The following EPG5 variants were observed in gnomAD, a reference collection of about 807,000 sequenced individuals.
The protein encoded by EPG5 is ectopic P-granules 5 autophagy tethering factor, also known as ectopic P granules protein 5 homolog.
In EPG5, 159 loss-of-function variants were observed where a neutral mutation model predicts 302.7. The observed-to-expected ratio is 0.53, with a 90% CI of 0.46 to 0.60. EPG5 has a LOEUF of 0.60. Among genes scored for constraint, EPG5 ranks in the 20% least tolerant of loss-of-function variants. The probability of loss-of-function intolerance (pLI) is 0.00; values close to 1 mark genes in which losing one functional copy is unlikely to be tolerated. For missense variants in EPG5, 2,896 were observed against 3,092.4 expected (o/e 0.94, Z 1.51); for synonymous variants, 1,158 against 1,136.8 (o/e 1.02, Z -0.37).
At chr18:45,820,392 C>G in the EPG5 span, among the ~76,000 whole-genome samples, 2 of 152,184 alleles carry the variant, frequency 1.3e-5, no homozygotes, top group African/African-American at 4.8e-5. Context: ...CCTGATTTGA[C>G]CTCCCTGGCT....
At chr18:45,921,647 T>C (rs920489917) in intron 16 of EPG5, among the ~76,000 whole-genome samples, 1 of 152,184 alleles carries the variant, frequency 6.6e-6, no homozygotes, top group African/African-American at 2.4e-5. Flanking sequence ...TATGGGCTCA[T>C]ATCAGAGAGG....
rs952884648 is a variant in EPG5 at position 45,850,344 on chromosome 18, C to G, written c.*2123G>C. The G allele has an allele frequency of 6.6e-6, 1 of 152,280 alleles. No homozygotes were observed. Among genetic ancestry groups the G allele is most frequent in the African/African-American group, 2.4e-5 (1 of 41,452 alleles). 9.4% of individuals were successfully genotyped at this position (152,280 alleles called of 1,614,324 possible). A position where few individuals can be genotyped will look rare whatever the true frequency, so the allele number is the denominator to read the frequency against. On this transcript the variant is annotated 3_prime_UTR_variant, in exon 44 of 44. Coordinates refer to ENST00000282041, the MANE Select transcript of EPG5 (RefSeq NM_020964.3). The stretch of plus-strand genomic sequence containing the variant: ...TGCAAGCCAACAGGCGGGCTGGTCT[C>G]TCTGCCGCCCTTCTTTCCCAGGAGG...
the EPG5 span, chr18:45,837,553 G>T: frequency 6.6e-7 from 1 of 1,517,408 alleles, no homozygotes; most frequent in Non-Finnish European, 8.8e-7. Flanking sequence ...TGCCACCCGA[G>T]GTGAGCGCGG....
chr18:45,806,517 C>T, the EPG5 span, among the ~76,000 whole-genome samples: 3 of 152,038 alleles, frequency 2.0e-5, no homozygotes, highest in Admixed American at 2.0e-4. Flanking sequence ...CTGTGAGTGC[C>T]CAAACTGTAC....
intron 27 of EPG5, among the ~76,000 whole-genome samples, chr18:45,894,472 A>AATT (rs1423510232): frequency 1.3e-5 from 2 of 151,828 alleles, no homozygotes; most frequent in Non-Finnish European, 2.9e-5. Flanking sequence ...TAATAATAAT[A>AATT]ATAATATTAA....
At position 45,912,277 on chromosome 18, in the gene EPG5, C is replaced by G; in HGVS notation, c.3983+13G>C. 1 of 1,564,604 alleles carries G rather than the reference C, an allele frequency of 6.4e-7. No individual in the cohort carries two copies. Among genetic ancestry groups the G allele is most frequent in the Non-Finnish European group, 8.6e-7 (1 of 1,158,622 alleles). ...AATGGACTCACAGAAACCTACAATACTGGGCAGCATACCCATACTGTGGTC... is the reference window on the plus strand; with the variant it reads ...AATGGACTCACAGAAACCTACAATAGTGGGCAGCATACCCATACTGTGGTC... On this transcript the variant is annotated intron_variant, in intron 22 of 43. Transcript: ENST00000282041.
chr18:45,890,066 C>T (rs2049308012), intron 27 of EPG5, 126 bp from the exon 28 acceptor site: 1 of 640,688 alleles, frequency 1.6e-6, no homozygotes, highest in Non-Finnish European at 2.5e-6. Flanking sequence ...TATATGACTG[C>T]CTTATAAACT....
chr18:45,827,986 T>G, the EPG5 span, among the ~76,000 whole-genome samples: 2 of 152,208 alleles, frequency 1.3e-5, no homozygotes. Context: ...AAAGTCATTT[T>G]CTTTACAAAC....
chr18:45,817,678 A>T, the EPG5 span, among the ~76,000 whole-genome samples: 1 of 152,216 alleles, frequency 6.6e-6, no homozygotes, highest in Non-Finnish European at 1.5e-5. Context: ...GTTCTTTAGC[A>T]CATGGGCCTC....
At chr18:45,842,244 G>A in the EPG5 span, 99 of 1,585,314 alleles carry the variant, frequency 6.2e-5, no homozygotes, top group Admixed American at 1.5e-4. Flanking sequence ...AGGCCAGTGC[G>A]AGGCTTGGCT....
intron 39 of EPG5, among the ~76,000 whole-genome samples, chr18:45,862,909 A>G (rs2048666055): frequency 6.6e-6 from 1 of 152,174 alleles, no homozygotes; most frequent in Non-Finnish European, 1.5e-5. Flanking sequence ...AAGTATTTTA[A>G]ATTTCTATTA....
At chr18:45,864,452 A>G (rs1439405443) in intron 39 of EPG5, among the ~76,000 whole-genome samples, 1 of 152,162 alleles carries the variant, frequency 6.6e-6, no homozygotes, top group Non-Finnish European at 1.5e-5. Flanking sequence ...CTTCTTACTG[A>G]TATCTTCAAT....
chr18:45,887,808 C>A lies in EPG5; in HGVS notation c.5052G>T (p.Thr1684=). Residue 1684 remains threonine (T), a synonymous_variant, in exon 29 of 44, where the codon ACG becomes ACT. Transcript: ENST00000282041. ...ACTGCCTTGTTGGGGGATGACGCTG[C>A]GTCTCATCGCTGACGTAATCCACAA... ...FTIVDYVSDE[T]QRHPPTRQFF... is the part of the protein sequence containing the mutation. 1 of 1,603,078 alleles carries A rather than the reference C, an allele frequency of 6.2e-7. No individual in the cohort carries two copies. Among genetic ancestry groups the A allele is most frequent in the Non-Finnish European group, 8.5e-7 (1 of 1,171,686 alleles).
chr18:45,960,334 G>T (rs962319652), intron 1 of EPG5, among the ~76,000 whole-genome samples: 1 of 152,120 alleles, frequency 6.6e-6, no homozygotes, highest in Non-Finnish European at 1.5e-5. Context: ...CTATTTGCAG[G>T]CACAATCACA....
chr18:45,913,904 A>G, intron 20 of EPG5, 76 bp from the exon 21 acceptor site: 2 of 1,542,836 alleles, frequency 1.3e-6, no homozygotes, highest in South Asian at 1.2e-5. Flanking sequence ...ATATTCCACA[A>G]TTTAAATCTC....
At chr18:45,954,294 G>A in intron 2 of EPG5, 100 bp downstream of exon 2, 1 of 1,089,260 alleles carries the variant, frequency 9.2e-7, no homozygotes, top group Admixed American at 2.4e-5. Context: ...TCTAGGCTGA[G>A]GCAGGGTCAG....
At chr18:45,838,184 G>A in the EPG5 span, among the ~76,000 whole-genome samples, 1 of 152,202 alleles carries the variant, frequency 6.6e-6, no homozygotes, top group African/African-American at 2.4e-5. Flanking sequence ...ACGAAGAGGC[G>A]AGAAAGACAA....
Position 45,852,461 on chromosome 18 carries a change from T to C in EPG5, c.*6A>G, listed in dbSNP as rs1281122806. The C allele has an allele frequency of 1.2e-6, 2 of 1,607,156 alleles. No individual in the cohort carries two copies. Among genetic ancestry groups the C allele is most frequent in the Non-Finnish European group, 1.7e-6 (2 of 1,177,916 alleles). ...GCAATGGGTTTTTCAAGAGCCTCAG[T>C]GTTAACTATCGTATGTGGTCCAAAT... On this transcript the variant is annotated 3_prime_UTR_variant, in exon 44 of 44. Coordinates refer to ENST00000282041, the MANE Select transcript of EPG5 (RefSeq NM_020964.3).
chr18:45,830,752 A>ATTTTTTTT, the EPG5 span, among the ~76,000 whole-genome samples: 2 of 118,120 alleles, frequency 1.7e-5, no homozygotes, highest in African/African-American at 3.4e-5. Flanking sequence ...TGCCAGGCTA[A>ATTTTTTTT]TTTTTTTTTT....
Sources: allele counts gnomAD v4.1 joint callset (sites outside exome capture counted in the v4.1 genomes callset), GRCh38; gene constraint gnomAD v4.1.1; transcripts MANE v1.5; gene names NCBI Gene and HGNC (gene_info 2026-07-23, HGNC 2026-07-21).